Variants in SFXN5 observed in about 807,000 individuals in gnomAD.
SFXN5 encodes the protein sideroflexin 5.
In SFXN5, 43 loss-of-function variants were observed where a neutral mutation model predicts 50.2. That is an observed-to-expected ratio of 0.86 (90% CI 0.67 to 1.11). The LOEUF is 1.11. Ranked by LOEUF, SFXN5 falls within the 50% of genes least tolerant of loss-of-function variation. SFXN5 has a pLI of 0.00. For synonymous variants in SFXN5, 203 were observed against 185.8 expected (o/e 1.09, Z -0.75); for missense variants, 463 against 454.1 (o/e 1.02, Z -0.18).
At chr2:73,010,083 A>C (rs968915598) in intron 6 of SFXN5, among the ~76,000 whole-genome samples, 2 of 152,220 alleles carry the variant, frequency 1.3e-5, no homozygotes, top group Non-Finnish European at 2.9e-5. Context: ...TATATCTTTT[A>C]AAGTGTTGAT....
At chr2:72,995,435 C>A (rs1673105582) in intron 9 of SFXN5, among the ~76,000 whole-genome samples, 1 of 152,202 alleles carries the variant, frequency 6.6e-6, no homozygotes, top group Admixed American at 6.5e-5. Context: ...CAGGAGTCTT[C>A]ACTTGGGGGC....
At chr2:72,999,611 A>G (rs1673652218) in intron 8 of SFXN5, among the ~76,000 whole-genome samples, 1 of 151,872 alleles carries the variant, frequency 6.6e-6, no homozygotes, top group South Asian at 2.1e-4. Flanking sequence ...TCATCCAAGC[A>G]GAGATGGCCA....
At chr2:73,027,897 A>G (rs1348970440) in intron 3 of SFXN5, among the ~76,000 whole-genome samples, 1 of 152,142 alleles carries the variant, frequency 6.6e-6, no homozygotes, top group African/African-American at 2.4e-5. Context: ...CCTGGGCTCA[A>G]GCAATCCTCC....
intron 11 of SFXN5, 53 bp downstream of exon 11, chr2:72,971,517 C>T (rs900322165): frequency 2.2e-6 from 3 of 1,360,012 alleles, no homozygotes; most frequent in African/African-American, 2.9e-5. Context: ...AAAGGAAAAC[C>T]ACTCCCCTCC....
intron 3 of SFXN5, among the ~76,000 whole-genome samples, chr2:73,030,925 G>T (rs1026938693): frequency 2.0e-5 from 3 of 152,178 alleles, no homozygotes; most frequent in Non-Finnish European, 4.4e-5. Context: ...GAGAAAAAGG[G>T]AGAGTTTTTT....
At chr2:73,023,965 C>T (rs1226557362) in intron 3 of SFXN5, among the ~76,000 whole-genome samples, 11 of 152,166 alleles carry the variant, frequency 7.2e-5, no homozygotes, top group Admixed American at 6.5e-4. Context: ...GAATCTAAGA[C>T]ACCACTGATC....
chr2:73,007,193 C>T (rs373756296), intron 6 of SFXN5, among the ~76,000 whole-genome samples: 3 of 152,170 alleles, frequency 2.0e-5, no homozygotes, highest in African/African-American at 7.2e-5. Flanking sequence ...ACTGAGCAAG[C>T]CCCCACCCCC....
rs1162578693 is a variant in SFXN5, at chr2:73,008,274, T to TCATG, written c.358-6700_358-6697dup. The stretch of plus-strand genomic sequence containing the variant: ...GCCACCAGACCCAATAACTAGGTGT[T>TCATG]CATGGTCTGCCCTCCTTAGCACCCT... On this transcript the variant is annotated intron_variant, in intron 6 of 13. Coordinates refer to ENST00000272433, the MANE Select transcript of SFXN5 (RefSeq NM_144579.3). 4.6e-5 allele frequency among the ~76,000 whole-genome samples: 7 copies of TCATG among 152,224 alleles called. No homozygotes were observed. The East Asian group carries it at 1.3e-3, about 29-fold the overall frequency.
At chr2:72,983,455 G>T (rs900213305) in intron 10 of SFXN5, among the ~76,000 whole-genome samples, 2 of 152,228 alleles carry the variant, frequency 1.3e-5, no homozygotes, top group Non-Finnish European at 2.9e-5. Context: ...CAGGAAGCTT[G>T]TTCTCCTTGG....
At chr2:73,047,240 A>T (rs1321941176) in intron 2 of SFXN5, among the ~76,000 whole-genome samples, 1 of 60,638 alleles carries the variant, frequency 1.6e-5, no homozygotes, top group Non-Finnish European at 2.8e-5. Flanking sequence ...AAAAAAAAAA[A>T]AAAAAATATA....
rs866907594 is a variant in SFXN5 at position 72,960,490 on chromosome 2, G to A, written c.945+641C>T. 2.0e-5 allele frequency among the ~76,000 whole-genome samples: 3 copies of A among 151,928 alleles called. No homozygotes were observed. The highest frequency in any genetic ancestry group is 2.1e-4 in the South Asian group (1 of 4,802). Reference sequence around the variant, plus strand: ...CGCCATCACCGCTTGCTGGATGCCCGCCACAGGCTCCTGATGGTTCCTTCT... The same window carrying A: ...CGCCATCACCGCTTGCTGGATGCCCACCACAGGCTCCTGATGGTTCCTTCT... On this transcript the variant is annotated intron_variant, in intron 13 of 13. Transcript: ENST00000272433. This position sits in a 1 kb window ranked among gnomAD's most constrained non-coding sequence, Gnocchi z 6.1.
chr2:73,008,755 G>A (rs543706808), intron 6 of SFXN5, among the ~76,000 whole-genome samples: 2 of 152,338 alleles, frequency 1.3e-5, no homozygotes, highest in South Asian at 2.1e-4. Flanking sequence ...TAGCCGCGGT[G>A]CTTATGTATA....
chr2:73,023,062 G>A (rs1042860218), intron 4 of SFXN5, 126 bp downstream of exon 4: 15 of 863,306 alleles, frequency 1.7e-5, no homozygotes, highest in South Asian at 3.5e-5. Context: ...GGGGTGAGGG[G>A]GCCAAGGGCA....
At chr2:73,069,312 C>A (rs1452031009) in intron 1 of SFXN5, among the ~76,000 whole-genome samples, 4 of 152,170 alleles carry the variant, frequency 2.6e-5, no homozygotes, top group African/African-American at 9.6e-5. Context: ...GGGGCTTGGT[C>A]TAGGATTCTG....
chr2:72,999,604 T>C (rs1459190760), intron 8 of SFXN5, among the ~76,000 whole-genome samples: 1 of 151,816 alleles, frequency 6.6e-6, no homozygotes, highest in Non-Finnish European at 1.5e-5. Context: ...AAGGGAGTCA[T>C]CCAAGCAGAG....
intron 1 of SFXN5, among the ~76,000 whole-genome samples, chr2:73,067,049 T>TA (rs71916818): frequency 2.7e-5 from 4 of 150,702 alleles, no homozygotes; most frequent in Non-Finnish European, 5.9e-5. Context: ...ACCCTGTCTC[T>TA]AAAAAAAAAG....
chr2:72,977,100 G>T (rs1225753830), intron 10 of SFXN5, among the ~76,000 whole-genome samples: 1 of 152,206 alleles, frequency 6.6e-6, no homozygotes, highest in African/African-American at 2.4e-5. Flanking sequence ...TCTAAGAAGG[G>T]TTGAGAGGCA....
rs1679549634 is a variant in SFXN5, at chr2:73,040,941, A to G, written c.172-10T>C. The G allele has an allele frequency of 1.2e-6, 2 of 1,610,768 alleles. No individual in the cohort carries two copies. The highest frequency in any genetic ancestry group is 1.3e-5 in the African/African-American group (1 of 74,978). On this transcript the variant is annotated splice_polypyrimidine_tract_variant and intron_variant, in intron 2 of 13. Coordinates refer to ENST00000272433, the MANE Select transcript of SFXN5 (RefSeq NM_144579.3). ...CCTCTCTGAGACGTCTCTGCAGAAGAAAGAAAAGAGACATTGAGGGGCACA... is the reference window on the plus strand; with the variant it reads ...CCTCTCTGAGACGTCTCTGCAGAAGGAAGAAAAGAGACATTGAGGGGCACA...
chr2:72,977,830 C>T (rs958091522), intron 10 of SFXN5, among the ~76,000 whole-genome samples: 1 of 151,870 alleles, frequency 6.6e-6, no homozygotes, highest in African/African-American at 2.4e-5. Flanking sequence ...AAAAATTAGT[C>T]GGGCATGGTG....
Sources: gnomAD v4.1 joint callset for allele counts (sites outside exome capture counted in the v4.1 genomes callset) on GRCh38, gnomAD v4.1.1 for gene constraint, Gnocchi (gnomAD v3.1) non-coding constraint, MANE v1.5 for transcripts, NCBI Gene and HGNC (gene_info 2026-07-23, HGNC 2026-07-21) for gene names.